ARMC9: variants seen among roughly 807,000 people sequenced by gnomAD.
ARMC9 encodes armadillo repeat containing 9.
A neutral mutation model predicts 107.0 loss-of-function variants in ARMC9; 94 were observed. The ratio of observed to expected loss-of-function variants is 0.88; its 90% CI spans 0.74 to 1.04. ARMC9 has a LOEUF of 1.04. Among genes scored for constraint, ARMC9 ranks in the 50% least tolerant of loss-of-function variants. The pLI is 0.00. For missense variants in ARMC9, 942 were observed against 1,030.1 expected, an observed-to-expected ratio of 0.91 and a Z score of 1.17; for synonymous variants, 380 against 396.9, an observed-to-expected ratio of 0.96 and a Z score of 0.51.
intron 12 of ARMC9, among the ~76,000 whole-genome samples, chr2:231,269,398 C>CTTTTTTTTTTTTTTTTTTTT (rs773618086): frequency 1.8e-5 from 2 of 112,404 alleles, no homozygotes; most frequent in African/African-American, 7.8e-5. Context: ...TTTTCTTCTT[C>CTTTTTTTTTTTTTTTTTTTT]TTTTTTTTTT....
intron 4 of ARMC9, 68 bp downstream of exon 4, chr2:231,215,069 C>G (rs528129997): frequency 6.5e-7 from 1 of 1,533,068 alleles, no homozygotes; most frequent in East Asian, 2.3e-5. Flanking sequence ...CTGTCATTGT[C>G]CACATGGGCA....
chr2:231,235,090 A>G, intron 7 of ARMC9, 134 bp from the exon 8 acceptor site: 1 of 952,474 alleles, frequency 1.0e-6, no homozygotes. Flanking sequence ...GTAAGTGTGA[A>G]ACACAAGTAG....
chr2:231,290,643 C>G (rs1002375369), intron 17 of ARMC9, among the ~76,000 whole-genome samples: 1 of 152,138 alleles, frequency 6.6e-6, no homozygotes, highest in African/African-American at 2.4e-5. Context: ...GTATATTATC[C>G]CTACTTTTCC....
intron 9 of ARMC9, among the ~76,000 whole-genome samples, chr2:231,240,840 A>G (rs1195128920): frequency 6.6e-6 from 1 of 152,122 alleles, no homozygotes; most frequent in African/African-American, 2.4e-5. Context: ...ACATTTCCTC[A>G]GCCTTTCTTT....
chr2:231,300,690 T>C (rs186697808), intron 19 of ARMC9, among the ~76,000 whole-genome samples: 4 of 152,388 alleles, frequency 2.6e-5, no homozygotes, highest in African/African-American at 9.6e-5. Flanking sequence ...CCAGGTGGTC[T>C]GACTCAGTGG....
intron 24 of ARMC9, 142 bp downstream of exon 24, chr2:231,370,267 C>T: frequency 1.0e-6 from 1 of 960,536 alleles, no homozygotes; most frequent in East Asian, 3.0e-5. Context: ...CTTCCCTTCC[C>T]CACACAACCA....
At chr2:231,302,531 G>T (rs182176847) in intron 19 of ARMC9, among the ~76,000 whole-genome samples, 1 of 125,980 alleles carries the variant, frequency 7.9e-6, no homozygotes, top group East Asian at 2.7e-4. Context: ...GTCATATGTT[G>T]TTTTGATTGA....
In ARMC9 at chr2:231,262,185, AC is replaced by A. The variant is rs1366920629; in HGVS notation, c.1027-120del. The A allele has an allele frequency of 7.6e-6, 7 of 915,910 alleles. No homozygotes were observed. The African/African-American group carries it at 1.1e-4, about 15-fold the overall frequency. The allele number at this position is 915,910 out of a possible 1,614,324, so 56.7% of individuals were successfully genotyped here. On this transcript the variant is annotated intron_variant, in intron 11 of 24. Transcript: ENST00000611582. ...GCCACCACTCCCCAAGCTGGATATT[AC>A]TTATTTTGTTTGGTTAAATGTGTAG...
At chr2:231,238,143 C>T (rs962884319) in intron 8 of ARMC9, among the ~76,000 whole-genome samples, 1 of 151,776 alleles carries the variant, frequency 6.6e-6, no homozygotes, top group Admixed American at 6.6e-5. Context: ...GCAAGCGGTT[C>T]TTTCAAGGAC....
intron 8 of ARMC9, among the ~76,000 whole-genome samples, chr2:231,238,359 TC>T (rs750249700): frequency 6.6e-6 from 1 of 152,168 alleles, no homozygotes; most frequent in Non-Finnish European, 1.5e-5. Flanking sequence ...GTTTTTTTGT[TC>T]GTTTGTTTGA....
intron 5 of ARMC9, 64 bp from the exon 6 acceptor site, chr2:231,222,664 A>G: frequency 2.1e-6 from 2 of 945,470 alleles, no homozygotes; most frequent in Non-Finnish European, 3.2e-6. Context: ...AATGACCTCA[A>G]CTTGATGATG....
At chr2:231,349,552 C>T (rs926281535) in intron 21 of ARMC9, among the ~76,000 whole-genome samples, 6 of 152,136 alleles carry the variant, frequency 3.9e-5, no homozygotes, top group African/African-American at 1.2e-4. Flanking sequence ...GAGGCCGAGG[C>T]GGGTAGATCA....
chr2:231,325,228 A>C (rs2043249201), intron 19 of ARMC9, among the ~76,000 whole-genome samples: 1 of 152,248 alleles, frequency 6.6e-6, no homozygotes, highest in African/African-American at 2.4e-5. Flanking sequence ...ACCCTGTCTC[A>C]GAAAATAATA....
At chr2:231,199,915 C>G (rs183448556) in intron 1 of ARMC9, among the ~76,000 whole-genome samples, 5 of 152,244 alleles carry the variant, frequency 3.3e-5, no homozygotes, top group Admixed American at 3.3e-4. Context: ...TCAGGCTGGT[C>G]TCGAACTCCT....
intron 10 of ARMC9, among the ~76,000 whole-genome samples, chr2:231,257,133 T>C (rs922534112): frequency 6.6e-6 from 1 of 152,236 alleles, no homozygotes. Context: ...TTGTTAATTC[T>C]ATTCTTTTGG....
In ARMC9 at chr2:231,255,876, A is replaced by C. The variant is rs1397398156; in HGVS notation, c.880-710A>C. On this transcript the variant is annotated intron_variant, in intron 9 of 24. Coordinates refer to ENST00000611582, the MANE Select transcript of ARMC9 (RefSeq NM_001352754.2). This position sits in a 1 kb window ranked among gnomAD's most constrained non-coding sequence, Gnocchi z 4.7. ...CACGGTGAAACCCCGTTTCTACTAA[A>C]AATACTAAACAAAATTAGCTGAGCA... Among the ~76,000 whole-genome samples the C allele has an allele frequency of 1.3e-5, 2 of 152,118 alleles. No individual in the cohort carries two copies. The highest frequency in any genetic ancestry group is 6.5e-5 in the Admixed American group (1 of 15,270).
chr2:231,240,170 G>C (rs2036165417), intron 9 of ARMC9, 129 bp downstream of exon 9: 1 of 779,176 alleles, frequency 1.3e-6, no homozygotes, highest in African/African-American at 1.7e-5. Flanking sequence ...TTGAAGTCTA[G>C]AAACTCCTAG....
At chr2:231,293,155 C>T (rs901440874) in intron 18 of ARMC9, among the ~76,000 whole-genome samples, 1 of 152,176 alleles carries the variant, frequency 6.6e-6, no homozygotes, top group Non-Finnish European at 1.5e-5. Flanking sequence ...TATGGAACAG[C>T]TATAATTCAT....
chr2:231,210,822 G>A (rs543745209), intron 3 of ARMC9, among the ~76,000 whole-genome samples: 84 of 152,310 alleles, frequency 5.5e-4, no homozygotes, highest in Non-Finnish European at 9.6e-4. Flanking sequence ...GTTCAGTAGT[G>A]TTAAATGTGT....
Sources: allele counts gnomAD v4.1 joint callset (sites outside exome capture counted in the v4.1 genomes callset), GRCh38; gene constraint gnomAD v4.1.1; non-coding constraint Gnocchi (gnomAD v3.1); transcripts MANE v1.5; gene names NCBI Gene and HGNC (gene_info 2026-07-23, HGNC 2026-07-21).